DNAJC4: variants seen among roughly 807,000 people sequenced by gnomAD.
DNAJC4 encodes dnaJ homolog subfamily C member 4.
Under a neutral mutation model 26.8 loss-of-function variants are expected in DNAJC4, and 26 were observed. The observed-to-expected ratio is 0.97, with a 90% CI of 0.71 to 1.34. The LOEUF (loss-of-function observed/expected upper bound fraction) is 1.34, where lower values mean the gene tolerates loss of function less well. Among genes scored for constraint, DNAJC4 ranks in the 40% most tolerant of loss-of-function variants. The pLI, the probability that DNAJC4 is intolerant of heterozygous loss-of-function variation, is 0.00. For missense variants in DNAJC4, 342 were observed against 321.1 expected (o/e 1.07, Z -0.50); for synonymous variants, 134 against 127.8 (o/e 1.05, Z -0.33).
At chr11:64,232,304 G>T in intron 2 of DNAJC4, 126 bp from the exon 3 acceptor site, 1 of 1,255,190 alleles carries the variant, frequency 8.0e-7, no homozygotes, top group East Asian at 2.5e-5. Flanking sequence ...GGGCAGGCCT[G>T]AGTGAGGGTC....
intron 2 of DNAJC4, 38 bp downstream of exon 2, chr11:64,232,002 C>A: frequency 2.5e-6 from 4 of 1,604,856 alleles, no homozygotes; most frequent in Non-Finnish European, 3.4e-6. Context: ...GGAGCAGGAA[C>A]TTTGAGCCAG....
At chr11:64,232,256 G>C (rs1947185789) in intron 2 of DNAJC4, 174 bp from the exon 3 acceptor site, 1 of 843,204 alleles carries the variant, frequency 1.2e-6, no homozygotes, top group Non-Finnish European at 1.8e-6. Flanking sequence ...GAACACAGGA[G>C]GAAGCAGGAG....
chr11:64,234,053 C>T lies in DNAJC4; in HGVS notation c.615-20C>T, dbSNP rs772880843. ...ACTTCGGGATCCCTATCCCAACCAC[C>T]CAGGTGCCCTCTCCTCCAGGGCCAA... On this transcript the variant is annotated intron_variant, in intron 5 of 5. Coordinates refer to ENST00000628077, the MANE Select transcript of DNAJC4 (RefSeq NM_005528.4). The surrounding 1 kb of genome is among the most constrained non-coding windows in gnomAD (Gnocchi z 5.3). The T allele has an allele frequency of 3.1e-6, 5 of 1,613,666 alleles. No homozygotes were observed. In the South Asian group the frequency reaches 4.4e-5, roughly 14 times the overall value.
intron 1 of DNAJC4, 69 bp downstream of exon 1, chr11:64,231,009 T>C (rs1947168519): frequency 2.6e-6 from 4 of 1,520,300 alleles, no homozygotes; most frequent in Admixed American, 2.0e-5. Context: ...GCTGAGTTAG[T>C]TGTGGTCTCT....
intron 4 of DNAJC4, 177 bp downstream of exon 4, chr11:64,233,042 C>A: frequency 7.1e-6 from 4 of 562,756 alleles, no homozygotes; most frequent in South Asian, 5.2e-5. Flanking sequence ...AGCGCTGCAC[C>A]AAGAGCTAAC....
intron 1 of DNAJC4, 110 bp downstream of exon 1, chr11:64,231,050 T>C (rs1591074332): frequency 7.3e-7 from 1 of 1,377,116 alleles, no homozygotes; most frequent in Non-Finnish European, 1.0e-6. Context: ...CAGGTTTGTC[T>C]CAGGTAACCC....
At chr11:64,232,399 G>T in intron 2 of DNAJC4, 31 bp from the exon 3 acceptor site, 2 of 1,536,436 alleles carry the variant, frequency 1.3e-6, no homozygotes, top group Non-Finnish European at 8.8e-7. Flanking sequence ...GACAGGCAAA[G>T]GGAGATAAGG....
intron 4 of DNAJC4, 24 bp downstream of exon 4, chr11:64,232,889 G>A: frequency 1.3e-6 from 2 of 1,550,360 alleles, no homozygotes; most frequent in Non-Finnish European, 1.7e-6. Context: ...TCCCCGGGGT[G>A]ATGGGCAGAG....
Position 64,231,913 on chromosome 11 carries a change from TGGTGCCAGCACTGA to T in DNAJC4, c.132_145del (p.Ala45SerfsTer2), listed in dbSNP as rs1947181117. Reference sequence around the variant, plus strand: ...ATTATGAACTGTTGGGGGTGCATCCTGGTGCCAGCACTGAGGAAGTTAAACGAGCTTTCTTCTCC... The same window carrying T: ...ATTATGAACTGTTGGGGGTGCATCCTGGAAGTTAAACGAGCTTTCTTCTCC... On this transcript the variant is annotated frameshift_variant, in exon 2 of 6. Transcript: ENST00000628077. LOFTEE classifies it high-confidence loss of function. The T allele has an allele frequency of 6.2e-6, 10 of 1,614,098 alleles. No individual in the cohort carries two copies. Among genetic ancestry groups the T allele is most frequent in the Non-Finnish European group, 7.6e-6 (9 of 1,180,004 alleles).
rs770341846 is a variant in DNAJC4, at chr11:64,234,134, T to TC, written c.678dup (p.Glu227ArgfsTer46). The TC allele has an allele frequency of 5.1e-5, 81 of 1,598,274 alleles. No individual in the cohort carries two copies. The South Asian group carries it at 9.0e-4, about 18-fold the overall frequency. ...GCTAGGGCAGCGGCAGCCGCCACCATCCGAGCCAACCCAAGGCCCCGAGAT... is the reference window on the plus strand; with the variant it reads ...GCTAGGGCAGCGGCAGCCGCCACCATCCCGAGCCAACCCAAGGCCCCGAGAT... On this transcript the variant is annotated frameshift_variant, in exon 6 of 6. Transcript: ENST00000628077. LOFTEE classifies it low-confidence loss of function (END_TRUNC). This position sits in a 1 kb window ranked among gnomAD's most constrained non-coding sequence, Gnocchi z 5.3.
chr11:64,231,214 C>A, intron 1 of DNAJC4: 1 of 589,350 alleles, frequency 1.7e-6, no homozygotes, highest in Non-Finnish European at 3.1e-6. Flanking sequence ...TGTGCATAAC[C>A]CTCTGTGGGG....
At chr11:64,230,504 C>T (rs1279092546), upstream of DNAJC4, 2 of 571,390 alleles carry the variant, frequency 3.5e-6, no homozygotes, top group Non-Finnish European at 3.3e-6. Flanking sequence ...GAAATGGCGA[C>T]GGCCGCGGGT....
chr11:64,231,026 T>A (rs1243565799), intron 1 of DNAJC4, 86 bp downstream of exon 1: 1 of 1,489,354 alleles, frequency 6.7e-7, no homozygotes, highest in East Asian at 2.5e-5. Flanking sequence ...CTCTACTCCG[T>A]GTCAGGAGGC....
intron 4 of DNAJC4, 95 bp downstream of exon 4, chr11:64,232,960 G>A (rs570661860): frequency 9.8e-5 from 134 of 1,367,280 alleles, no homozygotes; most frequent in South Asian, 1.6e-4. Context: ...CTCGTGGCCC[G>A]TACTCTTGTG....
At chr11:64,233,865 T>A (rs2135009557) in intron 4 of DNAJC4, 29 bp from the exon 5 acceptor site, 1 of 1,606,582 alleles carries the variant, frequency 6.2e-7, no homozygotes, top group East Asian at 2.2e-5. Context: ...AGGAATTGGA[T>A]TCCCAGGGTT....
In DNAJC4 at chr11:64,234,199, T is replaced by C. The variant is rs1296648755; in HGVS notation, c.*15T>C. On this transcript the variant is annotated 3_prime_UTR_variant, in exon 6 of 6. Coordinates refer to ENST00000628077, the MANE Select transcript of DNAJC4 (RefSeq NM_005528.4). The surrounding 1 kb of genome is among the most constrained non-coding windows in gnomAD (Gnocchi z 5.3). ...CCGGCCCCTGAGGGGCTCACCTGGA[T>C]GGGGCCTGCAGTGCGTTCCCGCTTT... 2 of 1,545,002 alleles carry C rather than the reference T, an allele frequency of 1.3e-6. No homozygotes were observed. The highest frequency in any genetic ancestry group is 1.7e-6 in the Non-Finnish European group (2 of 1,149,748).
chr11:64,231,348 T>TA, intron 1 of DNAJC4: 1 of 234,920 alleles, frequency 4.3e-6, no homozygotes, highest in East Asian at 1.2e-4. Context: ...TTTCCTTTTT[T>TA]TTTTTTTTTT....
intron 4 of DNAJC4, 23 bp from the exon 5 acceptor site, chr11:64,233,871 G>C: frequency 1.2e-6 from 2 of 1,610,026 alleles, no homozygotes. Context: ...TGGATTCCCA[G>C]GGTTAATTGT....
Position 64,232,839 on chromosome 11 carries a change from C to T in DNAJC4, c.501C>T (p.Gly167=). Residue 167 remains glycine (G), a synonymous_variant, in exon 4 of 6, where the codon GGC becomes GGT. Transcript: ENST00000628077. ...ACTGCCTCCTCCTCATGCTGGCGGG[C>T]ATGGGCCTGCACTACATTGCCTTCA... ...LGYCLLLMLA[G]MGLHYIAFRK... 2 of 1,606,512 alleles carry T rather than the reference C, an allele frequency of 1.2e-6. No individual in the cohort carries two copies. Among genetic ancestry groups the T allele is most frequent in the East Asian group, 2.2e-5 (1 of 44,780 alleles).
Sources: gnomAD v4.1 joint callset for allele counts on GRCh38, gnomAD v4.1.1 for gene constraint, Gnocchi (gnomAD v3.1) non-coding constraint, MANE v1.5 for transcripts, NCBI Gene and HGNC (gene_info 2026-07-23, HGNC 2026-07-21) for gene names.